The following RPTOR variants were observed in gnomAD, a reference collection of about 807,000 sequenced individuals.
The protein encoded by RPTOR is regulatory-associated protein of mTOR.
RPTOR carries 21 observed loss-of-function variants against 169.9 expected under a neutral mutation model. The ratio of observed to expected loss-of-function variants is 0.12; its 90% CI spans 0.09 to 0.18. RPTOR has a LOEUF of 0.18. Ranked by LOEUF, RPTOR falls within the 10% of genes least tolerant of loss-of-function variation. The pLI, the probability that RPTOR is intolerant of heterozygous loss-of-function variation, is 1.00. For missense variants in RPTOR, 1,133 were observed against 1,855.9 expected (o/e 0.61, Z 7.16); for synonymous variants, 732 against 753.2 (o/e 0.97, Z 0.46).
chr17:80,674,787 C>CAAAAAAAAAAAAAAAAAAAAAAAAAAAA (rs9319608), intron 3 of RPTOR, among the ~76,000 whole-genome samples: 1 of 89,954 alleles, frequency 1.1e-5, no homozygotes, highest in African/African-American at 4.1e-5. Context: ...GACTCTGTCT[C>CAAAAAAAAAAAAAAAAAAAAAAAAAAAA]AAAAAAAAAA....
At position 80,860,170 on chromosome 17, in the gene RPTOR, C is replaced by T. The variant is rs1462271939; in HGVS notation, c.1509+2270C>T. ...GCCACATTCTGTCAGCTCCTCCGTC[C>T]AGTCACTGGCACTGAGACCCAGCCT... is the stretch of plus-strand genomic sequence containing the variant. On this transcript the variant is annotated intron_variant, in intron 13 of 33. Transcript: ENST00000306801. The surrounding 1 kb of genome is among the most constrained non-coding windows in gnomAD (Gnocchi z 5.8). Among the ~76,000 whole-genome samples the T allele has an allele frequency of 6.6e-6, 1 of 152,240 alleles. No homozygotes were observed. Among genetic ancestry groups the T allele is most frequent in the Non-Finnish European group, 1.5e-5 (1 of 68,034 alleles).
At chr17:80,798,801 G>A (rs946070703) in intron 7 of RPTOR, among the ~76,000 whole-genome samples, 4 of 152,204 alleles carry the variant, frequency 2.6e-5, no homozygotes, top group Admixed American at 6.5e-5. Context: ...TTTTTGAATA[G>A]TTGAGAGATT....
intron 10 of RPTOR, among the ~76,000 whole-genome samples, chr17:80,841,060 ACATT>A (rs1213847045): frequency 5.8e-5 from 1 of 17,326 alleles, no homozygotes; most frequent in East Asian, 1.8e-3. Context: ...ACGGCAGCTC[ACATT>A]CACCACACGG....
intron 14 of RPTOR, among the ~76,000 whole-genome samples, chr17:80,881,385 G>A (rs1298112886): frequency 6.6e-6 from 1 of 152,248 alleles, no homozygotes; most frequent in Non-Finnish European, 1.5e-5. Flanking sequence ...TAAGAATAAG[G>A]AAGAAAGCAA....
chr17:80,555,004 G>A (rs1389302969), intron 1 of RPTOR, among the ~76,000 whole-genome samples: 1 of 152,126 alleles, frequency 6.6e-6, no homozygotes, highest in African/African-American at 2.4e-5. Context: ...CCTTCAATAC[G>A]GAAAATGTTG....
At chr17:80,582,174 T>C (rs1327245809) in intron 1 of RPTOR, among the ~76,000 whole-genome samples, 2 of 152,316 alleles carry the variant, frequency 1.3e-5, no homozygotes, top group Admixed American at 6.5e-5. Flanking sequence ...TCTATGTTGC[T>C]GGAAAGATGC....
At chr17:80,877,584 C>T (rs754469678) in intron 13 of RPTOR, among the ~76,000 whole-genome samples, 8 of 152,170 alleles carry the variant, frequency 5.3e-5, no homozygotes, top group Non-Finnish European at 8.8e-5. Flanking sequence ...GGAGCTTCAC[C>T]GTGAATGTGT....
At chr17:80,832,642 A>G (rs1021215089) in intron 9 of RPTOR, among the ~76,000 whole-genome samples, 3 of 152,196 alleles carry the variant, frequency 2.0e-5, no homozygotes, top group Non-Finnish European at 2.9e-5. Flanking sequence ...GCCAACTGCA[A>G]CTGAGGACTG....
intron 7 of RPTOR, 149 bp from the exon 8 acceptor site, chr17:80,822,052 C>T (rs958658879): frequency 3.3e-5 from 23 of 706,392 alleles, no homozygotes; most frequent in African/African-American, 1.6e-4. Flanking sequence ...GAGTTTGATT[C>T]TCCCTGCCGT....
chr17:80,564,379 T>C (rs1362112240), intron 1 of RPTOR, among the ~76,000 whole-genome samples: 1 of 152,154 alleles, frequency 6.6e-6, no homozygotes, highest in Non-Finnish European at 1.5e-5. Flanking sequence ...AATATGTCTC[T>C]GGTGTTGATT....
At chr17:80,950,862 G>A (rs2069167431) in intron 28 of RPTOR, among the ~76,000 whole-genome samples, 1 of 152,226 alleles carries the variant, frequency 6.6e-6, no homozygotes, top group South Asian at 2.1e-4. Flanking sequence ...CTGTTTTTCT[G>A]GGGTCGCTCA....
At chr17:80,687,825 C>T (rs1224913224) in intron 3 of RPTOR, among the ~76,000 whole-genome samples, 2 of 152,156 alleles carry the variant, frequency 1.3e-5, no homozygotes, top group African/African-American at 2.4e-5. Flanking sequence ...GCAGTGAGGC[C>T]GACAGTGAGT....
intron 1 of RPTOR, among the ~76,000 whole-genome samples, chr17:80,550,586 TTC>T (rs567394767): frequency 1.2e-3 from 176 of 152,326 alleles, no homozygotes; most frequent in African/African-American, 4.0e-3. Flanking sequence ...TGCCTGCTTT[TTC>T]TTAGTTTTCT....
At position 80,845,464 on chromosome 17, in the gene RPTOR, C is replaced by T. The variant is rs1030732616; in HGVS notation, c.1213-1009C>T. ...GAAGCAGTCGCATGACCGCCTCTGCCGGGTCCTCCAGCCCTCCCCCTGCTT... is the reference window on the plus strand; with the variant it reads ...GAAGCAGTCGCATGACCGCCTCTGCTGGGTCCTCCAGCCCTCCCCCTGCTT... On this transcript the variant is annotated intron_variant, in intron 10 of 33. Transcript: ENST00000306801. The surrounding 1 kb of genome is among the most constrained non-coding windows in gnomAD (Gnocchi z 5.4). Among the ~76,000 whole-genome samples, 2 of 152,072 alleles carry T rather than the reference C, an allele frequency of 1.3e-5. No individual in the cohort carries two copies. Among genetic ancestry groups the T allele is most frequent in the African/African-American group, 2.4e-5 (1 of 41,398 alleles).
chr17:80,673,022 G>A (rs2065833957), intron 3 of RPTOR, among the ~76,000 whole-genome samples: 1 of 152,028 alleles, frequency 6.6e-6, no homozygotes, highest in Non-Finnish European at 1.5e-5. Context: ...CACCTCCCGG[G>A]TTCAAGCGAG....
chr17:80,875,869 G>A (rs1396748611), intron 13 of RPTOR, among the ~76,000 whole-genome samples: 1 of 137,422 alleles, frequency 7.3e-6, no homozygotes, highest in Non-Finnish European at 1.6e-5. Context: ...TCTTCACACC[G>A]AGCCCGTGCC....
At chr17:80,768,824 A>G (rs1364342536) in intron 6 of RPTOR, among the ~76,000 whole-genome samples, 2 of 152,154 alleles carry the variant, frequency 1.3e-5, no homozygotes, top group Non-Finnish European at 2.9e-5. Context: ...TATGTGCCTA[A>G]GCGTGCTCAT....
chr17:80,754,816 T>A lies in RPTOR; in HGVS notation c.830+631T>A, dbSNP rs1166182668. ...CAGTCTTTAATATCTCCTTTCCCAT[T>A]TTATGTTTTGCTGAAAAGCTTATAT... On this transcript the variant is annotated intron_variant, in intron 6 of 33. Transcript: ENST00000306801. The surrounding 1 kb of genome is among the most constrained non-coding windows in gnomAD (Gnocchi z 4.2). 6.6e-6 allele frequency among the ~76,000 whole-genome samples: 1 copy of A among 152,138 alleles called. No homozygotes were observed. The highest frequency in any genetic ancestry group is 1.5e-5 in the Non-Finnish European group (1 of 68,014).
At chr17:80,750,797 A>T (rs956067105) in intron 5 of RPTOR, among the ~76,000 whole-genome samples, 1 of 152,154 alleles carries the variant, frequency 6.6e-6, no homozygotes, top group African/African-American at 2.4e-5. Flanking sequence ...TGTTTAAAAA[A>T]ACCCACTCCT....
Sources: allele counts gnomAD v4.1 joint callset (sites outside exome capture counted in the v4.1 genomes callset), GRCh38; gene constraint gnomAD v4.1.1; non-coding constraint Gnocchi (gnomAD v3.1); transcripts MANE v1.5; gene names NCBI Gene and HGNC (gene_info 2026-07-23, HGNC 2026-07-21).